Variants in PLD5 observed in about 807,000 individuals in gnomAD.
PLD5 encodes phospholipase D family member 5.
Under a neutral mutation model 61.1 loss-of-function variants are expected in PLD5, and 36 were observed. The ratio of observed to expected loss-of-function variants is 0.59; its 90% CI spans 0.45 to 0.78. The LOEUF is 0.78. Among genes scored for constraint, PLD5 ranks in the 30% least tolerant of loss-of-function variants. The probability of loss-of-function intolerance (pLI) is 0.00; values close to 1 mark genes in which losing one functional copy is unlikely to be tolerated. For missense variants in PLD5, 515 were observed against 644.4 expected, an observed-to-expected ratio of 0.80 and a Z score of 2.17; for synonymous variants, 243 against 242.8, an observed-to-expected ratio of 1.00 and a Z score of -0.01.
intron 2 of PLD5, among the ~76,000 whole-genome samples, chr1:242,324,548 T>C (rs1658630629): frequency 6.6e-6 from 1 of 152,170 alleles, no homozygotes; most frequent in Non-Finnish European, 1.5e-5. Context: ...GTTTATAGTT[T>C]AACTTTGAAG....
At chr1:242,463,162 CATT>C (rs1042572677) in intron 1 of PLD5, among the ~76,000 whole-genome samples, 5 of 152,268 alleles carry the variant, frequency 3.3e-5, no homozygotes, top group African/African-American at 1.2e-4. Flanking sequence ...TTTTCGGCCC[CATT>C]AGGATTGGCA....
intron 1 of PLD5, among the ~76,000 whole-genome samples, chr1:242,460,841 TA>T (rs35991588): frequency 0.45 from 66,429 of 147,610 alleles, 16,504 homozygotes; most frequent in African/African-American, 0.69. Context: ...TAAGCTCCAT[TA>T]AAAAAAAAAA....
chr1:242,126,462 C>T (rs148866746), intron 5 of PLD5, among the ~76,000 whole-genome samples: 331 of 152,288 alleles, frequency 2.2e-3, no homozygotes, highest in Non-Finnish European at 3.7e-3. Context: ...TAAAAATAGG[C>T]GCATAGCCCA....
At chr1:242,191,479 G>T (rs534453961) in intron 5 of PLD5, among the ~76,000 whole-genome samples, 1 of 152,028 alleles carries the variant, frequency 6.6e-6, no homozygotes, top group East Asian at 1.9e-4. Context: ...CCAGCTACTC[G>T]GGAGGCTGAG....
chr1:242,114,293 TTTAA>T lies in PLD5; in HGVS notation c.934-271_934-268del, dbSNP rs536536491. 7.5e-4 allele frequency among the ~76,000 whole-genome samples: 114 copies of T among 152,314 alleles called. 1 individual carries two copies. The highest frequency in any genetic ancestry group is 1.2e-3 in the Admixed American group (19 of 15,292). On this transcript the variant is annotated intron_variant, in intron 6 of 9. Transcript: ENST00000536534. ...TTTTCAATTTTTATGTATTAAAAAA[TTTAA>T]TTGATACATAATTGTATATATTTAT...
intron 9 of PLD5, among the ~76,000 whole-genome samples, chr1:242,097,774 G>T (rs1660363949): frequency 6.6e-6 from 1 of 152,160 alleles, no homozygotes; most frequent in Admixed American, 6.5e-5. Flanking sequence ...GTCAATTTTG[G>T]CATTTGTTGC....
intron 4 of PLD5, among the ~76,000 whole-genome samples, chr1:242,228,671 G>A (rs12239671): frequency 0.011 from 1,685 of 151,422 alleles, 31 homozygotes; most frequent in African/African-American, 0.039. Flanking sequence ...GGAGGGAGAG[G>A]GAGAGAGAGG....
At chr1:242,237,431 AGGGAG>A (rs1671707908) in intron 4 of PLD5, among the ~76,000 whole-genome samples, 1 of 152,168 alleles carries the variant, frequency 6.6e-6, no homozygotes, top group South Asian at 2.1e-4. Flanking sequence ...CTTTGTGATA[AGGGAG>A]GGGTTTCCTT....
At chr1:242,152,862 G>T (rs1289522051) in intron 5 of PLD5, among the ~76,000 whole-genome samples, 6 of 152,118 alleles carry the variant, frequency 3.9e-5, no homozygotes, top group South Asian at 2.1e-4. Flanking sequence ...AATCCTTTGG[G>T]TATATATCCA....
chr1:242,463,779 A>G (rs1461836059), intron 1 of PLD5, among the ~76,000 whole-genome samples: 2 of 150,598 alleles, frequency 1.3e-5, no homozygotes, highest in Non-Finnish European at 3.0e-5. Flanking sequence ...TGAAAAAAAA[A>G]TCAATTTTCT....
At chr1:242,236,712 C>A (rs1432452540) in intron 4 of PLD5, among the ~76,000 whole-genome samples, 1 of 152,136 alleles carries the variant, frequency 6.6e-6, no homozygotes, top group African/African-American at 2.4e-5. Context: ...AGATACAATA[C>A]CCTGGGGGAA....
At chr1:242,421,607 C>A (rs1420499819) in intron 1 of PLD5, among the ~76,000 whole-genome samples, 1 of 152,180 alleles carries the variant, frequency 6.6e-6, no homozygotes, top group South Asian at 2.1e-4. Flanking sequence ...GTCATACAGT[C>A]CCTGGAATCC....
rs1302731510 is a variant in PLD5, at chr1:242,086,626, G to A, written c.*3228C>T. 6.6e-6 allele frequency: 1 copy of A among 152,202 alleles called. No individual in the cohort carries two copies. The highest frequency in any genetic ancestry group is 1.5e-5 in the Non-Finnish European group (1 of 68,076). The allele number at this position is 152,202 out of a possible 1,614,324, so 9.4% of individuals were successfully genotyped here. On this transcript the variant is annotated 3_prime_UTR_variant, in exon 10 of 10. Coordinates refer to ENST00000536534, the MANE Select transcript of PLD5 (RefSeq NM_001372062.1). ...GTGATGGGGCTTGGGAAGAGAACAG[G>A]CAGCATAAAAACTGTCACTGCTCAA...
intron 5 of PLD5, among the ~76,000 whole-genome samples, chr1:242,181,265 C>T (rs1454037700): frequency 1.3e-5 from 2 of 152,138 alleles, no homozygotes; most frequent in African/African-American, 4.8e-5. Flanking sequence ...ATCACACTTG[C>T]AGTAGCAAGG....
At chr1:242,283,337 C>T (rs539947892) in intron 3 of PLD5, among the ~76,000 whole-genome samples, 16 of 152,284 alleles carry the variant, frequency 1.1e-4, no homozygotes, top group East Asian at 1.9e-4. Context: ...AAAATGTGTG[C>T]GTCTGCTGCT....
At chr1:242,145,832 C>T (rs913975329) in intron 5 of PLD5, among the ~76,000 whole-genome samples, 3 of 152,158 alleles carry the variant, frequency 2.0e-5, no homozygotes, top group African/African-American at 4.8e-5. Flanking sequence ...ACCAGCACCA[C>T]ACCCAGCTAA....
chr1:242,221,164 T>C (rs1290035354), intron 4 of PLD5, among the ~76,000 whole-genome samples: 2 of 152,230 alleles, frequency 1.3e-5, no homozygotes, highest in East Asian at 3.8e-4. Flanking sequence ...CTTCATGTGG[T>C]AGGATCCAGT....
At chr1:242,448,154 T>G (rs1666624928) in intron 1 of PLD5, among the ~76,000 whole-genome samples, 1 of 152,204 alleles carries the variant, frequency 6.6e-6, no homozygotes, top group Non-Finnish European at 1.5e-5. Context: ...AGGTGTCACC[T>G]AAAGAGGGAA....
chr1:242,109,270 G>A (rs1661297340), intron 7 of PLD5, among the ~76,000 whole-genome samples: 1 of 152,200 alleles, frequency 6.6e-6, no homozygotes, highest in Non-Finnish European at 1.5e-5. Context: ...TTGAGGTCGG[G>A]AGTTTGAGAC....
Sources: allele counts gnomAD v4.1 joint callset (sites outside exome capture counted in the v4.1 genomes callset), GRCh38; gene constraint gnomAD v4.1.1; transcripts MANE v1.5; gene names NCBI Gene and HGNC (gene_info 2026-07-23, HGNC 2026-07-21).